The following TRIP4 variants were observed in gnomAD, a reference collection of about 807,000 sequenced individuals.
The protein encoded by TRIP4 is activating signal cointegrator 1.
A neutral mutation model predicts 81.8 loss-of-function variants in TRIP4; 54 were observed. The observed-to-expected ratio is 0.66, with a 90% confidence interval of 0.53 to 0.83. The LOEUF is 0.83. Among genes scored for constraint, TRIP4 ranks in the 40% least tolerant of loss-of-function variants. The probability of loss-of-function intolerance (pLI) is 0.00; values close to 1 mark genes in which losing one functional copy is unlikely to be tolerated. For synonymous variants in TRIP4, 270 were observed against 242.8 expected (o/e 1.11, Z -1.04); for missense variants, 662 against 683.6 (o/e 0.97, Z 0.35).
intron 12 of TRIP4, among the ~76,000 whole-genome samples, chr15:64,454,568 T>C (rs946354850): frequency 3.3e-5 from 5 of 152,050 alleles, no homozygotes; most frequent in African/African-American, 1.2e-4. Flanking sequence ...AGCAAAGGGG[T>C]GTTGAACTGC....
chr15:64,426,564 G>A (rs1323955628), intron 11 of TRIP4, among the ~76,000 whole-genome samples: 5 of 152,024 alleles, frequency 3.3e-5, no homozygotes, highest in Non-Finnish European at 4.4e-5. Flanking sequence ...GCCTGGTATG[G>A]TGGCGCATGC....
intron 12 of TRIP4, among the ~76,000 whole-genome samples, chr15:64,450,424 G>GA (rs926238954): frequency 1.6e-4 from 23 of 147,406 alleles, no homozygotes; most frequent in African/African-American, 5.0e-4. Flanking sequence ...AGAAAGAAAG[G>GA]AAAAAAAAGA....
At chr15:64,452,183 T>C (rs1017630320) in intron 12 of TRIP4, among the ~76,000 whole-genome samples, 24 of 152,056 alleles carry the variant, frequency 1.6e-4, no homozygotes, top group African/African-American at 3.1e-4. Context: ...TATTTCACCA[T>C]GTTGGCCAGA....
intron 10 of TRIP4, among the ~76,000 whole-genome samples, chr15:64,425,058 T>A (rs980703268): frequency 6.6e-6 from 1 of 152,210 alleles, no homozygotes; most frequent in Non-Finnish European, 1.5e-5. Flanking sequence ...GTTATAGGTG[T>A]GAGCTACTGA....
At chr15:64,417,475 A>G (rs1266364606) in intron 8 of TRIP4, among the ~76,000 whole-genome samples, 1 of 148,694 alleles carries the variant, frequency 6.7e-6, no homozygotes, top group Non-Finnish European at 1.5e-5. Context: ...TTTAAAAAAG[A>G]TAACCCCAAA....
intron 11 of TRIP4, among the ~76,000 whole-genome samples, chr15:64,435,539 A>T (rs934876584): frequency 3.7e-4 from 56 of 151,258 alleles, no homozygotes; most frequent in African/African-American, 1.2e-3. Context: ...AAAAAAAAAA[A>T]AAATATTATT....
At chr15:64,449,451 G>C (rs997029079) in intron 12 of TRIP4, among the ~76,000 whole-genome samples, 2 of 151,670 alleles carry the variant, frequency 1.3e-5, no homozygotes, top group African/African-American at 2.4e-5. Flanking sequence ...CTTCCTGCCT[G>C]AGCCTCCCAA....
chr15:64,431,536 TA>T (rs1892271289), intron 11 of TRIP4, among the ~76,000 whole-genome samples: 1 of 151,778 alleles, frequency 6.6e-6, no homozygotes, highest in African/African-American at 2.4e-5. Flanking sequence ...ACCCTGTCTC[TA>T]CTAAAAATAC....
intron 2 of TRIP4, 130 bp from the exon 3 acceptor site, chr15:64,395,268 T>TA: frequency 1.3e-6 from 1 of 749,010 alleles, no homozygotes. Flanking sequence ...AAAAGATAAT[T>TA]AAAAATCTTC....
chr15:64,423,997 T>C (rs771646523), intron 9 of TRIP4, 34 bp from the exon 10 acceptor site: 2 of 1,612,106 alleles, frequency 1.2e-6, no homozygotes, highest in Non-Finnish European at 1.7e-6. Context: ...AACTAGAATT[T>C]ATATCCTTCC....
At chr15:64,410,075 G>A (rs1891728423) in intron 7 of TRIP4, among the ~76,000 whole-genome samples, 1 of 148,812 alleles carries the variant, frequency 6.7e-6, no homozygotes, top group Non-Finnish European at 1.5e-5. Flanking sequence ...GCCCAGGCTG[G>A]AGTGCAGTGG....
chr15:64,406,831 A>AT (rs1375028356), intron 6 of TRIP4, among the ~76,000 whole-genome samples: 2 of 152,164 alleles, frequency 1.3e-5, no homozygotes, highest in Non-Finnish European at 2.9e-5. Context: ...TCTGTAAGGA[A>AT]TTGCCTCTGG....
chr15:64,434,148 C>T (rs1027973729), intron 11 of TRIP4, among the ~76,000 whole-genome samples: 4 of 151,898 alleles, frequency 2.6e-5, no homozygotes, highest in African/African-American at 9.7e-5. Flanking sequence ...ACCTGTAATC[C>T]CAGCACTTTG....
chr15:64,417,502 G>A (rs1288231949), intron 8 of TRIP4, among the ~76,000 whole-genome samples: 1 of 152,036 alleles, frequency 6.6e-6, no homozygotes, highest in Non-Finnish European at 1.5e-5. Flanking sequence ...CATGCTAATT[G>A]CCTTTATTTT....
At chr15:64,429,480 AT>A (rs930688559) in intron 11 of TRIP4, among the ~76,000 whole-genome samples, 2 of 152,182 alleles carry the variant, frequency 1.3e-5, no homozygotes, top group Admixed American at 6.5e-5. Flanking sequence ...TGAAACACAA[AT>A]TTGGGAAATA....
intron 12 of TRIP4, 82 bp downstream of exon 12, chr15:64,445,190 C>A: frequency 1.5e-6 from 1 of 680,794 alleles, no homozygotes; most frequent in Non-Finnish European, 2.5e-6. Flanking sequence ...GGAGTTCAAT[C>A]TATAACTGAC....
intron 6 of TRIP4, among the ~76,000 whole-genome samples, chr15:64,407,974 G>A (rs1284233340): frequency 6.6e-6 from 1 of 151,896 alleles, no homozygotes; most frequent in Non-Finnish European, 1.5e-5. Flanking sequence ...TTACATGCCT[G>A]TAATCCCAGC....
intron 12 of TRIP4, among the ~76,000 whole-genome samples, chr15:64,453,391 G>T (rs1209615399): frequency 6.6e-6 from 1 of 152,156 alleles, no homozygotes; most frequent in African/African-American, 2.4e-5. Context: ...TTTGAAATTT[G>T]TAGTGTCTAC....
At chr15:64,450,393 GAAAAAA>G (rs1005400086) in intron 12 of TRIP4, among the ~76,000 whole-genome samples, 10 of 46,946 alleles carry the variant, frequency 2.1e-4, no homozygotes, top group South Asian at 8.0e-4. Flanking sequence ...CGTCTCAAAA[GAAAAAA>G]AAAAAAAAAA....
Sources: gnomAD v4.1 joint callset for allele counts (sites outside exome capture counted in the v4.1 genomes callset) on GRCh38, gnomAD v4.1.1 for gene constraint, MANE v1.5 for transcripts, NCBI Gene and HGNC (gene_info 2026-07-23, HGNC 2026-07-21) for gene names.